The following SPPL3 variants were observed in gnomAD, a reference collection of about 807,000 sequenced individuals.
SPPL3 encodes signal peptide peptidase-like 3.
Under a neutral mutation model 42.4 loss-of-function variants are expected in SPPL3, and 5 were observed. The ratio of observed to expected loss-of-function variants is 0.12; its 90% CI spans 0.06 to 0.25. The LOEUF (loss-of-function observed/expected upper bound fraction) is 0.25, where lower values mean the gene tolerates loss of function less well. Ranked by LOEUF, SPPL3 falls within the 10% of genes least tolerant of loss-of-function variation. SPPL3 has a pLI of 1.00. For missense variants in SPPL3, 235 were observed against 489.0 expected, an observed-to-expected ratio of 0.48 and a Z score of 4.90; for synonymous variants, 195 against 181.8, an observed-to-expected ratio of 1.07 and a Z score of -0.58.
intron 1 of SPPL3, among the ~76,000 whole-genome samples, chr12:120,868,716 G>A (rs1443977888): frequency 1.3e-5 from 2 of 152,100 alleles, no homozygotes; most frequent in East Asian, 3.8e-4. Flanking sequence ...TCTTGACCTC[G>A]TCATCCACCC....
At chr12:120,894,900 T>C (rs977100240) in intron 1 of SPPL3, among the ~76,000 whole-genome samples, 1 of 151,894 alleles carries the variant, frequency 6.6e-6, no homozygotes, top group Admixed American at 6.6e-5. Context: ...TGAGCTGAGA[T>C]CGTGCCACCG....
chr12:120,778,153 G>A (rs941235896), intron 6 of SPPL3, among the ~76,000 whole-genome samples: 6 of 99,774 alleles, frequency 6.0e-5, no homozygotes, highest in African/African-American at 2.4e-4. Context: ...GTCTTACTCT[G>A]TTGCCCAGGC....
At chr12:120,894,403 GGCAAAGCT>G (rs1329914441) in intron 1 of SPPL3, among the ~76,000 whole-genome samples, 2 of 152,230 alleles carry the variant, frequency 1.3e-5, no homozygotes, top group Admixed American at 6.5e-5. Flanking sequence ...AAGGCTATCA[GGCAAAGCT>G]TGAAGATTTA....
intron 1 of SPPL3, among the ~76,000 whole-genome samples, chr12:120,832,446 C>T (rs1453701619): frequency 2.0e-5 from 3 of 152,048 alleles, no homozygotes; most frequent in Admixed American, 6.5e-5. Context: ...CCAAGGTGGG[C>T]GGATCACCTG....
chr12:120,832,849 CTT>C (rs1871473662), intron 1 of SPPL3, among the ~76,000 whole-genome samples: 1 of 152,166 alleles, frequency 6.6e-6, no homozygotes. Context: ...CAGGAAGACT[CTT>C]TACAAACAAC....
chr12:120,816,452 TACG>T (rs1472363501), intron 1 of SPPL3, among the ~76,000 whole-genome samples: 1 of 152,390 alleles, frequency 6.6e-6, no homozygotes, highest in East Asian at 1.9e-4. Context: ...TAGATTATTT[TACG>T]ATGTTATTTG....
At chr12:120,868,745 G>A (rs549484300) in intron 1 of SPPL3, among the ~76,000 whole-genome samples, 1 of 152,282 alleles carries the variant, frequency 6.6e-6, no homozygotes, top group African/African-American at 2.4e-5. Flanking sequence ...CTCCCAAAGT[G>A]CTGAGATTAC....
intron 1 of SPPL3, among the ~76,000 whole-genome samples, chr12:120,877,618 T>G (rs1199585921): frequency 6.6e-6 from 1 of 151,566 alleles, no homozygotes; most frequent in Non-Finnish European, 1.5e-5. Flanking sequence ...CTGTCTCTAG[T>G]AAAAATATAA....
intron 2 of SPPL3, among the ~76,000 whole-genome samples, chr12:120,801,514 T>C (rs1428447995): frequency 1.3e-5 from 2 of 152,176 alleles, no homozygotes; most frequent in African/African-American, 2.4e-5. Context: ...TATTTGTCAG[T>C]GGATTTTTCA....
At chr12:120,826,205 A>G (rs1219834068) in intron 1 of SPPL3, among the ~76,000 whole-genome samples, 1 of 150,896 alleles carries the variant, frequency 6.6e-6, no homozygotes, top group Non-Finnish European at 1.5e-5. Flanking sequence ...AGGAAGGAGA[A>G]TCGCTTGAAC....
chr12:120,871,798 C>T (rs1175465163), intron 1 of SPPL3, among the ~76,000 whole-genome samples: 1 of 152,098 alleles, frequency 6.6e-6, no homozygotes, highest in Non-Finnish European at 1.5e-5. Flanking sequence ...ATATAACCTG[C>T]ACATATCCTT....
rs181979797 is a variant in SPPL3, at chr12:120,780,277, T to C, written c.502+2378A>G. ...GAGTTCAAGACCAGCCTGGGTAACATAGTGAGACCCATCTCTATAAAATAA... is the reference window on the plus strand; with the variant it reads ...GAGTTCAAGACCAGCCTGGGTAACACAGTGAGACCCATCTCTATAAAATAA... On this transcript the variant is annotated intron_variant, in intron 6 of 10. Coordinates refer to ENST00000353487, the MANE Select transcript of SPPL3 (RefSeq NM_139015.5). Among the ~76,000 whole-genome samples, 687 of 150,704 alleles carry C rather than the reference T, an allele frequency of 4.6e-3. 6 individuals are homozygous for C. The highest frequency in any genetic ancestry group is 5.2e-3 in the Non-Finnish European group (353 of 67,490).
intron 1 of SPPL3, among the ~76,000 whole-genome samples, chr12:120,870,606 G>A (rs2137049049): frequency 6.6e-6 from 1 of 152,054 alleles, no homozygotes; most frequent in African/African-American, 2.4e-5. Flanking sequence ...GAATGGGTAA[G>A]AAAAATGTGG....
intron 1 of SPPL3, among the ~76,000 whole-genome samples, chr12:120,850,374 A>G (rs1457445557): frequency 6.6e-6 from 1 of 151,868 alleles, no homozygotes; most frequent in Non-Finnish European, 1.5e-5. Flanking sequence ...TTTATGCCGC[A>G]TTGTAAGGAA....
chr12:120,836,152 T>C (rs945410624), intron 1 of SPPL3, among the ~76,000 whole-genome samples: 3 of 152,104 alleles, frequency 2.0e-5, no homozygotes, highest in African/African-American at 7.2e-5. Context: ...CATCTCTGCA[T>C]ATATCTGCTA....
chr12:120,836,434 T>C (rs908480892), intron 1 of SPPL3, among the ~76,000 whole-genome samples: 7 of 151,996 alleles, frequency 4.6e-5, no homozygotes, highest in Non-Finnish European at 8.8e-5. Flanking sequence ...GAGGAGCACT[T>C]AGACACCTCA....
chr12:120,801,484 T>G (rs1021011885), intron 2 of SPPL3, among the ~76,000 whole-genome samples: 12 of 152,182 alleles, frequency 7.9e-5, no homozygotes, highest in Non-Finnish European at 1.6e-4. Context: ...CAAATCTGTA[T>G]GCCTTTTCTA....
chr12:120,806,512 A>G (rs1870496459), intron 2 of SPPL3, among the ~76,000 whole-genome samples: 1 of 144,566 alleles, frequency 6.9e-6, no homozygotes, highest in Non-Finnish European at 1.6e-5. Context: ...AAAATGAATC[A>G]TAATTTTAAA....
intron 1 of SPPL3, among the ~76,000 whole-genome samples, chr12:120,857,093 G>A (rs1872485043): frequency 1.3e-5 from 2 of 152,116 alleles, no homozygotes; most frequent in East Asian, 1.9e-4. Flanking sequence ...GAAGAAGGTG[G>A]CCCAAATAAA....
Sources: allele counts gnomAD v4.1 joint callset (sites outside exome capture counted in the v4.1 genomes callset), GRCh38; gene constraint gnomAD v4.1.1; transcripts MANE v1.5; gene names NCBI Gene and HGNC (gene_info 2026-07-23, HGNC 2026-07-21).